FANCD2OS: variants seen among roughly 807,000 people sequenced by gnomAD.
FANCD2OS encodes FANCD2 opposite strand.
FANCD2OS carries 11 observed loss-of-function variants against 13.2 expected under a neutral mutation model. The ratio of observed to expected loss-of-function variants is 0.83; its 90% CI spans 0.52 to 1.38. The LOEUF (loss-of-function observed/expected upper bound fraction) is 1.38, where lower values mean the gene tolerates loss of function less well. Among genes scored for constraint, FANCD2OS ranks in the 40% most tolerant of loss-of-function variants. The pLI is 0.00. For missense variants in FANCD2OS, 217 were observed against 213.9 expected, an observed-to-expected ratio of 1.01 and a Z score of -0.09; for synonymous variants, 69 against 84.5, an observed-to-expected ratio of 0.82 and a Z score of 1.01.
Position 10,081,472 on chromosome 3 carries a change from T to C in FANCD2OS, c.*103A>G, listed in dbSNP as rs1412513898. On this transcript the variant is annotated 3_prime_UTR_variant, in exon 3 of 3. Transcript: ENST00000524279. ...TCATGGGCTTTTTGCTTGGTAAGTA[T>C]GTGGGAAGTGTGGAGAGAACTGAGT... 1.3e-6 allele frequency: 2 copies of C among 1,558,214 alleles called. No homozygotes were observed. The highest frequency in any genetic ancestry group is 2.7e-5 in the African/African-American group (2 of 73,862).
Position 10,105,761 on chromosome 3 carries a change from AAAAAAAAAAATTATATATATAT to A in FANCD2OS, c.-8-1001_-8-980del, listed in dbSNP as rs1234840536. Reference sequence around the variant, plus strand: ...GCAAGACTCCATCTAAAAAAAAAAAAAAAAAAAAAATTATATATATATATATATATATATATATATATATATA... The same window carrying A: ...GCAAGACTCCATCTAAAAAAAAAAAAATATATATATATATATATATATATA... On this transcript the variant is annotated intron_variant, in intron 1 of 1. Coordinates refer to ENST00000450660, the MANE Select transcript of FANCD2OS (RefSeq NM_001164839.2). Among the ~76,000 whole-genome samples the A allele has an allele frequency of 9.7e-4, 67 of 68,864 alleles. 3 individuals are homozygous for A. Among genetic ancestry groups the A allele is most frequent in the African/African-American group, 8.2e-3 (58 of 7,104 alleles). 45.2% of individuals were successfully genotyped at this position (68,864 alleles called of 152,430 possible).
chr3:10,096,581 T>G (rs936429861), intron 2 of FANCD2OS: 2 of 1,017,378 alleles, frequency 2.0e-6, no homozygotes, highest in Admixed American at 3.6e-5. Flanking sequence ...GTAAGGCTAC[T>G]TTTCTCTTAA....
chr3:10,088,955 G>A lies in FANCD2OS; in HGVS notation c.*44-7424C>T, dbSNP rs1227232776. On this transcript the variant is annotated intron_variant, in intron 2 of 2. Transcript: ENST00000524279. ...CACATTCCCTACACTGACCAGGTAA[G>A]GGAGTTCTTTCCTCCAGTTTTTCCC... The A allele has an allele frequency of 1.3e-5, 21 of 1,613,868 alleles. No homozygotes were observed. The Admixed American group carries it at 3.5e-4, about 27-fold the overall frequency.
chr3:10,094,190 A>G, intron 2 of FANCD2OS: 3 of 857,576 alleles, frequency 3.5e-6, no homozygotes, highest in Non-Finnish European at 3.9e-6. Flanking sequence ...ATATATAAAT[A>G]AGAAAATAAA....
In FANCD2OS at chr3:10,104,157, T is replaced by C; in HGVS notation, c.*84A>G. 1 of 1,262,756 alleles carries C rather than the reference T, an allele frequency of 7.9e-7. No homozygotes were observed. Among genetic ancestry groups the C allele is most frequent in the Non-Finnish European group, 1.1e-6 (1 of 920,796 alleles). The allele number at this position is 1,262,756 out of a possible 1,614,324, so 78.2% of individuals were successfully genotyped here. On this transcript the variant is annotated 3_prime_UTR_variant, in exon 2 of 2. Transcript: ENST00000450660. ...AGATGGCTGGGACAATGTCACAGTTTCATTTACATGGACAGGTTTCTGTAA... is the reference window on the plus strand; with the variant it reads ...AGATGGCTGGGACAATGTCACAGTTCCATTTACATGGACAGGTTTCTGTAA...
intron 2 of FANCD2OS, chr3:10,092,156 G>T: frequency 6.4e-7 from 1 of 1,554,640 alleles, no homozygotes; most frequent in South Asian, 1.1e-5. Context: ...TGACTCAGAG[G>T]TGCCCATATA....
intron 2 of FANCD2OS, chr3:10,092,340 C>T (rs1352756181): frequency 2.1e-6 from 2 of 963,698 alleles, no homozygotes; most frequent in African/African-American, 3.2e-5. Context: ...CCTTGCTCCT[C>T]TTCCCACTCT....
At chr3:10,090,432 G>A (rs1464046607) in intron 2 of FANCD2OS, 2 of 857,092 alleles carry the variant, frequency 2.3e-6, no homozygotes, top group Non-Finnish European at 3.6e-6. Flanking sequence ...TGGATTACTT[G>A]GAAGTTGCTG....
At chr3:10,091,540 T>C (rs956419647) in intron 2 of FANCD2OS, among the ~76,000 whole-genome samples, 10 of 151,876 alleles carry the variant, frequency 6.6e-5, no homozygotes, top group African/African-American at 2.4e-4. Flanking sequence ...TAGCCCTTTC[T>C]CTTACTTGTC....
chr3:10,105,410 A>G (rs1695442172), intron 1 of FANCD2OS, among the ~76,000 whole-genome samples: 3 of 152,032 alleles, frequency 2.0e-5, no homozygotes, highest in African/African-American at 7.2e-5. Context: ...CTTCATGATG[A>G]GACCTTATTA....
At chr3:10,084,883 A>C (rs766199957) in intron 2 of FANCD2OS, among the ~76,000 whole-genome samples, 2 of 152,224 alleles carry the variant, frequency 1.3e-5, no homozygotes, top group Admixed American at 6.5e-5. Flanking sequence ...CAGTGGTTTA[A>C]GAAAACACTT....
At chr3:10,104,847 A>C (rs760510985) in intron 1 of FANCD2OS, 65 bp from the exon 2 acceptor site, 1 of 1,416,068 alleles carries the variant, frequency 7.1e-7, no homozygotes, top group Non-Finnish European at 9.5e-7. Context: ...ATGGCCTTTC[A>C]AATTCCCATC....
chr3:10,097,398 C>T (rs55882090), intron 2 of FANCD2OS, among the ~76,000 whole-genome samples: 36,742 of 151,940 alleles, frequency 0.24, 5,936 homozygotes, highest in African/African-American at 0.46. Context: ...CAGGTACACC[C>T]GGGGGGGCCC....
Position 10,106,103 on chromosome 3 carries a change from C to T in FANCD2OS, c.-8-1321G>A, listed in dbSNP as rs112320661. On this transcript the variant is annotated intron_variant, in intron 1 of 1. Transcript: ENST00000450660. Reference sequence around the variant, plus strand: ...GCACAAGGGAGCAACTTGCAGACCCCTGGGTTATTTATATACCACCTCAGA... The same window carrying T: ...GCACAAGGGAGCAACTTGCAGACCCTTGGGTTATTTATATACCACCTCAGA... Among the ~76,000 whole-genome samples, 8 of 152,116 alleles carry T rather than the reference C, an allele frequency of 5.3e-5. 1 individual carries two copies. Among genetic ancestry groups the T allele is most frequent in the African/African-American group, 1.9e-4 (8 of 41,524 alleles).
intron 2 of FANCD2OS, chr3:10,093,342 C>T: frequency 6.3e-7 from 1 of 1,597,562 alleles, no homozygotes; most frequent in Non-Finnish European, 8.6e-7. Context: ...TTTACTGGGC[C>T]CTGTTTCATA....
downstream of FANCD2OS, among the ~76,000 whole-genome samples, chr3:10,098,421 G>C (rs1167906920): frequency 1.3e-5 from 2 of 152,238 alleles, no homozygotes; most frequent in East Asian, 3.9e-4. Context: ...TTAGAACCAT[G>C]TTCAGCATCG....
In FANCD2OS at chr3:10,081,563, A is replaced by C. The variant is rs1693837222; in HGVS notation, c.*44-32T>G. The C allele has an allele frequency of 8.0e-6, 7 of 877,518 alleles. No individual in the cohort carries two copies. In the East Asian group the frequency reaches 1.7e-4, roughly 21 times the overall value. 54.4% of individuals were successfully genotyped at this position (877,518 alleles called of 1,614,324 possible). A position where few individuals can be genotyped will look rare whatever the true frequency, so the allele number is the denominator to read the frequency against. ...TGTAGAAAAGAAAGAAAAGGTTCAA[A>C]AATCTTATGTGAATATGGTTCATTA... is the stretch of plus-strand genomic sequence containing the variant. On this transcript the variant is annotated intron_variant, in intron 2 of 2. Transcript: ENST00000524279.
chr3:10,094,166 A>C (rs1313451457), intron 2 of FANCD2OS: 7 of 744,658 alleles, frequency 9.4e-6, no homozygotes, highest in South Asian at 1.6e-5. Context: ...GACCCTTCCC[A>C]ATTTGTTTTT....
At chr3:10,105,772 TTATATATA>T (rs574690780) in intron 1 of FANCD2OS, among the ~76,000 whole-genome samples, 1,174 of 22,486 alleles carry the variant, frequency 0.052, 36 homozygotes, top group East Asian at 0.081. Context: ...AAAAAAAAAA[TTATATATA>T]TATATATATA....
Sources: allele counts gnomAD v4.1 joint callset (sites outside exome capture counted in the v4.1 genomes callset), GRCh38; gene constraint gnomAD v4.1.1; transcripts MANE v1.5; gene names NCBI Gene and HGNC (gene_info 2026-07-23, HGNC 2026-07-21).